The following NAV2 variants were observed in gnomAD, a reference collection of about 807,000 sequenced individuals.
The protein encoded by NAV2 is neuron navigator 2, also known as helicase, APC down-regulated 1.
In NAV2, 54 loss-of-function variants were observed where a neutral mutation model predicts 223.2. The ratio of observed to expected loss-of-function variants is 0.24; its 90% CI spans 0.19 to 0.30. The LOEUF (loss-of-function observed/expected upper bound fraction) is 0.30, where lower values mean the gene tolerates loss of function less well. NAV2 is among the 10% of genes least tolerant of loss of function. The pLI is 1.00. For missense variants in NAV2, 2,806 were observed against 3,147.5 expected (o/e 0.89, Z 2.60); for synonymous variants, 1,279 against 1,239.3 (o/e 1.03, Z -0.67).
At chr11:19,511,546 T>C (rs1565040) in intron 1 of NAV2, 120,644 of 152,078 alleles carry the variant, frequency 0.79, 48,768 homozygotes, top group Non-Finnish European at 0.88. Flanking sequence ...ATCAAAATTG[T>C]AGCAGGGAGG....
upstream of NAV2, among the ~76,000 whole-genome samples, chr11:19,347,998 A>G (rs1377640955): frequency 6.6e-6 from 1 of 152,202 alleles, no homozygotes; most frequent in African/African-American, 2.4e-5. Context: ...TGGCTCCAGC[A>G]CAAGGACAGC....
In NAV2 at chr11:19,355,412, A is replaced by G. The variant is rs1336839547; in HGVS notation, c.75+4385A>G. On this transcript the variant is annotated intron_variant, in intron 1 of 37. Coordinates refer to the NAV2 transcript ENST00000360655. ...GTGAACTCGGGTTTAGTGTAATTAA[A>G]ATTTCTAGGGTTGGCTGAACTGCTC... 2.0e-5 allele frequency among the ~76,000 whole-genome samples: 3 copies of G among 152,118 alleles called. No individual in the cohort carries two copies. The East Asian group carries it at 5.8e-4, about 29-fold the overall frequency.
intron 8 of NAV2, among the ~76,000 whole-genome samples, chr11:19,941,943 A>T (rs1394664430): frequency 6.6e-6 from 1 of 152,138 alleles, no homozygotes; most frequent in Non-Finnish European, 1.5e-5. Context: ...TTCCAAGTAA[A>T]AATCCTGGAT....
Position 20,044,065 on chromosome 11 carries a change from A to G in NAV2, c.2992A>G (p.Ser998Gly). ...CAAGAAATCAGACGGAGGCTCAGAC[A>G]GCGGCATAAAAATGGAGCCAGGTTC... ...DVKKSDGGSD[S>G]GIKMEPGSKW... The change falls in exon 13 of 38, where the codon AGC becomes GGC. Residue 998 changes from serine (S) to glycine (G), a missense_variant. Ser to Gly is a moderately conservative substitution (Grantham distance 56). Transcript: ENST00000349880. The G allele has an allele frequency of 6.2e-7, 1 of 1,614,226 alleles. No homozygotes were observed. Among genetic ancestry groups the G allele is most frequent in the Non-Finnish European group, 8.5e-7 (1 of 1,180,030 alleles).
At chr11:19,500,517 T>C (rs1486305969) in intron 1 of NAV2, among the ~76,000 whole-genome samples, 6 of 152,202 alleles carry the variant, frequency 3.9e-5, no homozygotes, top group Admixed American at 3.9e-4. Flanking sequence ...TAAGCACCTC[T>C]TGTCTTTTTT....
At chr11:19,697,692 G>A (rs567243063) in intron 1 of NAV2, among the ~76,000 whole-genome samples, 55 of 152,264 alleles carry the variant, frequency 3.6e-4, no homozygotes, top group Non-Finnish European at 6.8e-4. Context: ...GTTACCACCT[G>A]TAACAACTAG....
At chr11:19,550,461 A>G (rs1387126742) in intron 1 of NAV2, among the ~76,000 whole-genome samples, 1 of 152,224 alleles carries the variant, frequency 6.6e-6, no homozygotes, top group Non-Finnish European at 1.5e-5. Flanking sequence ...CATTTCGTAG[A>G]TGAGGCAACT....
At chr11:19,878,673 A>G (rs544350180) in intron 4 of NAV2, among the ~76,000 whole-genome samples, 3 of 152,302 alleles carry the variant, frequency 2.0e-5, no homozygotes, top group African/African-American at 4.8e-5. Flanking sequence ...TCCAAGGGAA[A>G]TAATTCAGCC....
At chr11:19,623,137 G>A (rs1266660768) in intron 1 of NAV2, among the ~76,000 whole-genome samples, 2 of 152,222 alleles carry the variant, frequency 1.3e-5, no homozygotes, top group Admixed American at 6.5e-5. Context: ...GAGATTCACT[G>A]TTAGTCTGAT....
intron 1 of NAV2, among the ~76,000 whole-genome samples, chr11:19,542,480 C>T (rs1590461981): frequency 6.6e-6 from 1 of 152,240 alleles, no homozygotes; most frequent in East Asian, 1.9e-4. Context: ...AAGCACTTTG[C>T]TCCGCTGCCC....
chr11:19,687,311 T>C (rs2049051082), intron 1 of NAV2, among the ~76,000 whole-genome samples: 1 of 152,340 alleles, frequency 6.6e-6, no homozygotes, highest in South Asian at 2.1e-4. Flanking sequence ...CTTATCCAGA[T>C]AGTCAATCTC....
chr11:19,575,118 G>A (rs915122591), intron 1 of NAV2, among the ~76,000 whole-genome samples: 3 of 152,230 alleles, frequency 2.0e-5, no homozygotes, highest in African/African-American at 7.2e-5. Flanking sequence ...CTGCCAGGAT[G>A]TTCTTTTTGC....
intron 5 of NAV2, among the ~76,000 whole-genome samples, chr11:19,882,171 T>A (rs1274226486): frequency 3.3e-5 from 5 of 152,146 alleles, no homozygotes; most frequent in Non-Finnish European, 5.9e-5. Context: ...AGAATGAGAT[T>A]GTGGAGGAGC....
chr11:19,486,756 T>C (rs932213621), intron 1 of NAV2, among the ~76,000 whole-genome samples: 1 of 152,192 alleles, frequency 6.6e-6, no homozygotes, highest in African/African-American at 2.4e-5. Flanking sequence ...ACCGTCACTC[T>C]CTCTATCTTT....
intron 1 of NAV2, among the ~76,000 whole-genome samples, chr11:19,741,492 TCTTTC>T (rs1267634939): frequency 2.3e-4 from 14 of 60,134 alleles, no homozygotes; most frequent in Admixed American, 5.5e-4. Context: ...TTTCTTTCTT[TCTTTC>T]TTTTTTTTTT....
chr11:19,402,771 TGTAG>T (rs1849740647), intron 1 of NAV2, among the ~76,000 whole-genome samples: 1 of 152,242 alleles, frequency 6.6e-6, no homozygotes, highest in South Asian at 2.1e-4. Flanking sequence ...CATTGCTCAC[TGTAG>T]TTACCTCTGT....
intron 9 of NAV2, among the ~76,000 whole-genome samples, chr11:19,948,474 G>A (rs1261037011): frequency 6.6e-6 from 1 of 152,132 alleles, no homozygotes; most frequent in East Asian, 1.9e-4. Context: ...TTTTAGCAGG[G>A]AAAGTCTCCG....
Position 19,892,594 on chromosome 11 carries a change from G to C in NAV2, c.931G>C (p.Glu311Gln). ...CCCACCGCCAAGCAGCCACGAGAAAGGTGAGTCACCTTCTTGAGGAGCCTT... is the reference window on the plus strand; with the variant it reads ...CCCACCGCCAAGCAGCCACGAGAAACGTGAGTCACCTTCTTGAGGAGCCTT... ...PPPPPSSHEKEPLASSASSHP... is the reference protein window; with the variant it reads ...PPPPPSSHEKQPLASSASSHP... Residue 311 changes from glutamate (E) to glutamine (Q), a missense_variant and splice_region_variant, in exon 6 of 38, where the codon GAG becomes CAG. Glu to Gln is a conservative substitution (Grantham distance 29). Coordinates refer to ENST00000349880, the MANE Select transcript of NAV2 (RefSeq NM_145117.5). 6.2e-7 allele frequency: 1 copy of C among 1,613,202 alleles called. No individual in the cohort carries two copies. The highest frequency in any genetic ancestry group is 8.5e-7 in the Non-Finnish European group (1 of 1,179,574).
At position 19,406,398 on chromosome 11, in the gene NAV2, T is replaced by G. The variant is rs532036688; in HGVS notation, c.75+55371T>G. Among the ~76,000 whole-genome samples, 3 of 152,262 alleles carry G rather than the reference T, an allele frequency of 2.0e-5. No individual in the cohort carries two copies. The East Asian group carries it at 5.8e-4, about 29-fold the overall frequency. On this transcript the variant is annotated intron_variant, in intron 1 of 37. Coordinates refer to the NAV2 transcript ENST00000360655. The stretch of plus-strand genomic sequence containing the variant: ...GGAAGCACCGCGCAGAACGGCAAGA[T>G]GCTAAGCAAACTGTGGAGGAGAGCG...
Sources: gnomAD v4.1 joint callset for allele counts (sites outside exome capture counted in the v4.1 genomes callset) on GRCh38, gnomAD v4.1.1 for gene constraint, MANE v1.5 for transcripts, NCBI Gene and HGNC (gene_info 2026-07-23, HGNC 2026-07-21) for gene names.